The following COL4A3 variants were observed in gnomAD, a reference collection of about 807,000 sequenced individuals.
The protein encoded by COL4A3 is collagen alpha-3(IV) chain.
Under a neutral mutation model 217.4 loss-of-function variants are expected in COL4A3, and 135 were observed. The ratio of observed to expected loss-of-function variants is 0.62; its 90% CI spans 0.54 to 0.72. The LOEUF is 0.72. Ranked by LOEUF, COL4A3 falls within the 30% of genes least tolerant of loss-of-function variation. The probability of loss-of-function intolerance (pLI) is 0.00; values close to 1 mark genes in which losing one functional copy is unlikely to be tolerated. For synonymous variants in COL4A3, 690 were observed against 736.3 expected (o/e 0.94, Z 1.02); for missense variants, 1,868 against 2,119.9 (o/e 0.88, Z 2.33).
intron 4 of COL4A3, 169 bp from the exon 5 acceptor site, chr2:227,244,782 A>G (rs1470919734): frequency 2.5e-6 from 2 of 809,058 alleles, no homozygotes; most frequent in South Asian, 2.8e-5. Flanking sequence ...TGTGAGATTT[A>G]CAAAAGTTTG....
At position 227,201,016 on chromosome 2, in the gene COL4A3, A is replaced by G. The variant is rs369741437; in HGVS notation, c.87+36203A>G. Reference sequence around the variant, plus strand: ...TTAAATTAAGTTTAGATTAGAAATTATATTATTCACATTTAATTTTAATGT... The same window carrying G: ...TTAAATTAAGTTTAGATTAGAAATTGTATTATTCACATTTAATTTTAATGT... On this transcript the variant is annotated intron_variant, in intron 1 of 51. Coordinates refer to ENST00000396578, the MANE Select transcript of COL4A3 (RefSeq NM_000091.5). Among the ~76,000 whole-genome samples the G allele has an allele frequency of 3.3e-5, 5 of 152,356 alleles. No individual in the cohort carries two copies. In the South Asian group the frequency reaches 1.0e-3, roughly 32 times the overall value.
At chr2:227,291,583 A>AAAAG (rs2072738431) in intron 37 of COL4A3, among the ~76,000 whole-genome samples, 1 of 25,448 alleles carries the variant, frequency 3.9e-5, no homozygotes, top group African/African-American at 8.2e-5. Context: ...AAAAAAACAA[A>AAAAG]AAAAAAAAAC....
chr2:227,196,697 C>T (rs958865065), intron 1 of COL4A3, among the ~76,000 whole-genome samples: 1 of 152,152 alleles, frequency 6.6e-6, no homozygotes, highest in African/African-American at 2.4e-5. Context: ...TAATTGCCTA[C>T]AATATACAGG....
chr2:227,257,389 A>T (rs1340201196), intron 17 of COL4A3, among the ~76,000 whole-genome samples: 1 of 152,226 alleles, frequency 6.6e-6, no homozygotes, highest in African/African-American at 2.4e-5. Flanking sequence ...CCAGGGCAAT[A>T]ACTACTTCTG....
At chr2:227,212,192 G>T (rs2067353616) in intron 1 of COL4A3, among the ~76,000 whole-genome samples, 1 of 146,956 alleles carries the variant, frequency 6.8e-6, no homozygotes. Flanking sequence ...ATTGATTCTT[G>T]GGCACTAATT....
intron 1 of COL4A3, among the ~76,000 whole-genome samples, chr2:227,230,779 G>A (rs1207460933): frequency 6.6e-6 from 1 of 152,198 alleles, no homozygotes. Context: ...TGAGTCTTGA[G>A]CTACTGTCAT....
intron 44 of COL4A3, 114 bp downstream of exon 44, chr2:227,303,224 C>G: frequency 1.2e-6 from 1 of 841,726 alleles, no homozygotes; most frequent in Admixed American, 1.9e-5. Context: ...CAAATAGGAC[C>G]TCAATACGAG....
chr2:227,270,083 A>G, intron 24 of COL4A3, 103 bp downstream of exon 24: 1 of 867,472 alleles, frequency 1.2e-6, no homozygotes, highest in Non-Finnish European at 1.9e-6. Context: ...TGCAAACAGT[A>G]GGCACTTAAT....
intron 1 of COL4A3, among the ~76,000 whole-genome samples, chr2:227,193,747 G>GGAAGGAAGGAA (rs2066335666): frequency 3.0e-5 from 1 of 33,504 alleles, no homozygotes; most frequent in Non-Finnish European, 5.7e-5. Context: ...GAGGGAGGGA[G>GGAAGGAAGGAA]GGAAGGAAGG....
rs747912649 is a variant in COL4A3, at chr2:227,287,184, A to T, written c.2882-1966A>T. ...CGTGGTGGCTCACGCCTGTAATCCC[A>T]GCCCTTTGGGAGGCCGAGGCGGGTG... On this transcript the variant is annotated intron_variant, in intron 34 of 51. Transcript: ENST00000396578. Among the ~76,000 whole-genome samples the T allele has an allele frequency of 2.6e-5, 4 of 152,178 alleles. No homozygotes were observed. In the South Asian group the frequency reaches 8.3e-4, roughly 31 times the overall value.
rs189273360 is a variant in COL4A3, at chr2:227,188,341, C to T, written c.87+23528C>T. ...TTTCTAGGAGAGTTTTAGTCTGATC[C>T]GTTTATAAGCAGATATTTAACACTG... is the stretch of plus-strand genomic sequence containing the variant. On this transcript the variant is annotated intron_variant, in intron 1 of 51. Transcript: ENST00000396578. Among the ~76,000 whole-genome samples, 12 of 151,468 alleles carry T rather than the reference C, an allele frequency of 7.9e-5. No individual in the cohort carries two copies. The East Asian group carries it at 2.0e-3, about 25-fold the overall frequency.
chr2:227,259,948 A>T, intron 19 of COL4A3, 71 bp downstream of exon 19: 3 of 1,084,200 alleles, frequency 2.8e-6, no homozygotes, highest in Non-Finnish European at 4.3e-6. Context: ...AATAAATAGC[A>T]TGTGCTTATG....
rs2072853839 is a variant in COL4A3 at position 227,293,173 on chromosome 2, T to C, written c.3211-18T>C. ...CCTGCTTATATGAGAATTTTAAAGG[T>C]ATTTGACTACATTTAAGGGGGATCC... is the stretch of plus-strand genomic sequence containing the variant. On this transcript the variant is annotated intron_variant, in intron 37 of 51. Coordinates refer to ENST00000396578, the MANE Select transcript of COL4A3 (RefSeq NM_000091.5). 1.2e-6 allele frequency: 2 copies of C among 1,613,614 alleles called. No individual in the cohort carries two copies. Among genetic ancestry groups the C allele is most frequent in the Non-Finnish European group, 1.7e-6 (2 of 1,179,956 alleles).
At chr2:227,277,748 C>T (rs987385495) in intron 28 of COL4A3, among the ~76,000 whole-genome samples, 195 bp downstream of exon 28, 1 of 151,924 alleles carries the variant, frequency 6.6e-6, no homozygotes, top group African/African-American at 2.4e-5. Flanking sequence ...GCCTGTAATC[C>T]CAGCACTTTG....
chr2:227,209,090 C>T (rs941191903), intron 1 of COL4A3, among the ~76,000 whole-genome samples: 9 of 152,280 alleles, frequency 5.9e-5, no homozygotes, highest in East Asian at 1.9e-4. Flanking sequence ...TGTTTCTGAA[C>T]GACACAAAAC....
chr2:227,311,377 CTCCT>C (rs1479172127), intron 51 of COL4A3, among the ~76,000 whole-genome samples: 1 of 84,182 alleles, frequency 1.2e-5, no homozygotes, highest in African/African-American at 5.2e-5. Context: ...ATAAATTTCT[CTCCT>C]TTTTTTTTTT....
At chr2:227,170,681 C>G (rs561004206) in intron 1 of COL4A3, among the ~76,000 whole-genome samples, 1 of 152,182 alleles carries the variant, frequency 6.6e-6, no homozygotes, top group African/African-American at 2.4e-5. Context: ...ATCACCAGCA[C>G]TTCAGGGCAA....
chr2:227,256,850 C>A (rs953582945), intron 17 of COL4A3, among the ~76,000 whole-genome samples: 6 of 152,254 alleles, frequency 3.9e-5, no homozygotes, highest in African/African-American at 1.4e-4. Flanking sequence ...TCATGTGTTG[C>A]TTCAAGATAG....
rs768504613 is a variant in COL4A3 at position 227,311,835 on chromosome 2, A to C, written c.4978A>C (p.Ser1660Arg). The C allele has an allele frequency of 6.2e-7, 1 of 1,614,088 alleles. No homozygotes were observed. The highest frequency in any genetic ancestry group is 1.1e-5 in the South Asian group (1 of 91,054). The change falls in exon 52 of 52, where the codon AGT (serine) becomes CGT (arginine). Residue 1660 changes from serine (S) to arginine (R), a missense_variant. Around this residue, in one of 2 missense-constraint regions of COL4A3, gnomAD observed 1,503 missense variants for 1,786.1 expected, o/e 0.84. Coordinates refer to ENST00000396578, the MANE Select transcript of COL4A3 (RefSeq NM_000091.5). Reference protein sequence around the residue: ...VKAGELEKIISRCQVCMKKRH With the variant: ...VKAGELEKIIRRCQVCMKKRH ...AGCTGGGGAATTAGAAAAAATAATA[A>C]GTCGCTGTCAGGTGTGCATGAAGAA...
Sources: gnomAD v4.1 joint callset for allele counts (sites outside exome capture counted in the v4.1 genomes callset) on GRCh38, gnomAD v4.1.1 for gene constraint, gnomAD v4.1.1 regional missense constraint, MANE v1.5 for transcripts, NCBI Gene and HGNC (gene_info 2026-07-23, HGNC 2026-07-21) for gene names.